The following NFASC variants were observed in gnomAD, a reference collection of about 807,000 sequenced individuals.
NFASC encodes the protein neurofascin homolog.
A neutral mutation model predicts 147.5 loss-of-function variants in NFASC; 43 were observed. The ratio of observed to expected loss-of-function variants is 0.29; its 90% CI spans 0.23 to 0.38. The LOEUF is 0.38. Among genes scored for constraint, NFASC ranks in the 10% least tolerant of loss-of-function variants. NFASC has a pLI of 1.00. For missense variants in NFASC, 1,320 were observed against 1,689.0 expected (o/e 0.78, Z 3.83); for synonymous variants, 622 against 665.5 (o/e 0.93, Z 1.01).
At chr1:204,830,284 A>G (rs767939210) in intron 1 of NFASC, among the ~76,000 whole-genome samples, 11 of 152,208 alleles carry the variant, frequency 7.2e-5, no homozygotes, top group Non-Finnish European at 1.6e-4. Flanking sequence ...CAGAGCCCAC[A>G]GAACTTAAAG....
intron 1 of NFASC, among the ~76,000 whole-genome samples, chr1:204,850,027 TG>T (rs1558496122): frequency 6.6e-6 from 1 of 152,220 alleles, no homozygotes; most frequent in African/African-American, 2.4e-5. Flanking sequence ...TTTCCTGCAG[TG>T]GGCTCTGGAA....
At chr1:204,891,937 ATCT>A (rs1417847799) in intron 1 of NFASC, among the ~76,000 whole-genome samples, 2 of 152,150 alleles carry the variant, frequency 1.3e-5, no homozygotes, top group Non-Finnish European at 2.9e-5. Context: ...TAGTACCATA[ATCT>A]TCTCCAGCCC....
chr1:204,844,204 C>T (rs919596153), intron 1 of NFASC, among the ~76,000 whole-genome samples: 1 of 152,166 alleles, frequency 6.6e-6, no homozygotes, highest in African/African-American at 2.4e-5. Flanking sequence ...TTACATCTTC[C>T]CTAATTTTCA....
At chr1:205,011,323 G>A (rs890000080) in intron 28 of NFASC, among the ~76,000 whole-genome samples, 6 of 152,148 alleles carry the variant, frequency 3.9e-5, no homozygotes, top group Admixed American at 1.3e-4. Flanking sequence ...CCTTAAGTGA[G>A]GGAGGGCAGG....
At chr1:204,906,882 A>G (rs61529181) in intron 1 of NFASC, among the ~76,000 whole-genome samples, 5,569 of 152,124 alleles carry the variant, frequency 0.037, 291 homozygotes, top group African/African-American at 0.12. Flanking sequence ...ACGGGGTTTC[A>G]CCATGTTAGC....
At chr1:204,918,900 T>A (rs867822287) in intron 1 of NFASC, among the ~76,000 whole-genome samples, 10 of 152,172 alleles carry the variant, frequency 6.6e-5, no homozygotes, top group Middle Eastern at 3.2e-3. Flanking sequence ...TGAAATTTTT[T>A]AATTATGTTT....
intron 8 of NFASC, chr1:204,962,276 C>A: frequency 2.4e-6 from 2 of 845,502 alleles, no homozygotes; most frequent in Non-Finnish European, 3.9e-6. Context: ...GCCAGGGTGC[C>A]AAGGTGACAC....
intron 1 of NFASC, among the ~76,000 whole-genome samples, chr1:204,841,148 C>T (rs1039006736): frequency 1.3e-5 from 2 of 152,216 alleles, no homozygotes; most frequent in African/African-American, 4.8e-5. Context: ...ATTGACTGGA[C>T]ACCTACTCTG....
chr1:204,984,331 ATGTG>A (rs10641235), intron 21 of NFASC: 1 of 345,222 alleles, frequency 2.9e-6, no homozygotes, highest in African/African-American at 2.2e-5. Flanking sequence ...TTATATATAT[ATGTG>A]TGTGTGTGTG....
At chr1:204,836,017 C>A (rs1366033432) in intron 1 of NFASC, among the ~76,000 whole-genome samples, 2 of 152,170 alleles carry the variant, frequency 1.3e-5, no homozygotes, top group African/African-American at 2.4e-5. Flanking sequence ...CTGATGCTGG[C>A]CAATTTGCTT....
chr1:205,002,821 G>A (rs573442441), intron 27 of NFASC, 73 bp downstream of exon 27: 7 of 1,221,202 alleles, frequency 5.7e-6, no homozygotes, highest in South Asian at 2.4e-5. Context: ...CTTCCTGCTT[G>A]CCTCTCTCCT....
chr1:204,887,753 C>T (rs561402438), intron 1 of NFASC, among the ~76,000 whole-genome samples: 7 of 151,960 alleles, frequency 4.6e-5, no homozygotes, highest in East Asian at 1.9e-4. Flanking sequence ...TGTACCACAA[C>T]GCTCAGCTAA....
intron 15 of NFASC, among the ~76,000 whole-genome samples, chr1:204,976,140 C>T (rs2095398155): frequency 6.6e-6 from 1 of 152,150 alleles, no homozygotes; most frequent in Admixed American, 6.5e-5. Flanking sequence ...AGGGTGTTCC[C>T]CTCTGTAAAC....
chr1:204,830,691 A>C (rs1388187437), intron 1 of NFASC, among the ~76,000 whole-genome samples: 1 of 151,116 alleles, frequency 6.6e-6, no homozygotes, highest in Non-Finnish European at 1.5e-5. Context: ...TATGCCAGTA[A>C]GGAAAGAGAC....
At chr1:205,011,802 G>A (rs1016104271) in intron 28 of NFASC, among the ~76,000 whole-genome samples, 8 of 152,148 alleles carry the variant, frequency 5.3e-5, no homozygotes, top group Non-Finnish European at 7.3e-5. Flanking sequence ...CACATAGGCC[G>A]GGCGCGGTGG....
intron 8 of NFASC, among the ~76,000 whole-genome samples, chr1:204,964,566 A>G (rs2094847134): frequency 1.3e-5 from 2 of 152,360 alleles, no homozygotes; most frequent in South Asian, 4.1e-4. Context: ...GTTTGGGTTA[A>G]ACTTACAGGA....
At chr1:204,985,736 T>A (rs891325889) in intron 21 of NFASC, among the ~76,000 whole-genome samples, 1 of 152,056 alleles carries the variant, frequency 6.6e-6, no homozygotes. Flanking sequence ...TGTTCAGGAG[T>A]GGCTAATGAG....
At chr1:205,002,012 G>A (rs561425106) in intron 26 of NFASC, among the ~76,000 whole-genome samples, 1 of 152,336 alleles carries the variant, frequency 6.6e-6, no homozygotes, top group South Asian at 2.1e-4. Flanking sequence ...TGGAGGAGGA[G>A]TTCACATCCA....
At chr1:204,969,933 G>A (rs2095163234) in intron 10 of NFASC, among the ~76,000 whole-genome samples, 1 of 152,048 alleles carries the variant, frequency 6.6e-6, no homozygotes, top group African/African-American at 2.4e-5. Flanking sequence ...AAAATTAGCT[G>A]GGCGTGGTGG....
Sources: gnomAD v4.1 joint callset for allele counts (sites outside exome capture counted in the v4.1 genomes callset) on GRCh38, gnomAD v4.1.1 for gene constraint, MANE v1.5 for transcripts, NCBI Gene and HGNC (gene_info 2026-07-23, HGNC 2026-07-21) for gene names.